CEP128: variants seen among roughly 807,000 people sequenced by gnomAD.
The protein encoded by CEP128 is centrosomal protein 128kDa.
A neutral mutation model predicts 156.7 loss-of-function variants in CEP128; 132 were observed. The observed-to-expected ratio is 0.84, with a 90% CI of 0.73 to 0.97. The LOEUF is 0.97. CEP128 is among the 50% of genes least tolerant of loss of function. The pLI, the probability that CEP128 is intolerant of heterozygous loss-of-function variation, is 0.00. For synonymous variants in CEP128, 469 were observed against 448.9 expected, an observed-to-expected ratio of 1.04 and a Z score of -0.57; for missense variants, 1,252 against 1,281.9, an observed-to-expected ratio of 0.98 and a Z score of 0.36.
At chr14:80,673,470 C>T (rs950446768) in intron 19 of CEP128, among the ~76,000 whole-genome samples, 1 of 113,272 alleles carries the variant, frequency 8.8e-6, no homozygotes, top group East Asian at 2.7e-4. Flanking sequence ...GGTGAAACCC[C>T]GTCTCTACTA....
Position 80,526,973 on chromosome 14 carries a change from T to G in CEP128, c.2968A>C (p.Ser990Arg). ...EDFKDFRDSCSSSERTDGRYS... is the reference protein window; with the variant it reads ...EDFKDFRDSCRSSERTDGRYS... ...CTTCCATCAGTTCTCTCAGATGAACTGCAGGAATCCTGGAAAAAAAAAAAA... is the reference window on the plus strand; with the variant it reads ...CTTCCATCAGTTCTCTCAGATGAACGGCAGGAATCCTGGAAAAAAAAAAAA... Residue 990 changes from serine to arginine, a missense_variant, in exon 23 of 25, where the codon AGT becomes CGT. Coordinates refer to ENST00000555265, the MANE Select transcript of CEP128 (RefSeq NM_152446.5). 2.0e-6 allele frequency: 3 copies of G among 1,523,166 alleles called. No homozygotes were observed. The South Asian group carries it at 3.5e-5, about 18-fold the overall frequency. 94.4% of individuals were successfully genotyped at this position (1,523,166 alleles called of 1,614,324 possible). A position where few individuals can be genotyped will look rare whatever the true frequency, so the allele number is the denominator to read the frequency against.
intron 19 of CEP128, among the ~76,000 whole-genome samples, chr14:80,582,152 C>G (rs1211359532): frequency 6.6e-6 from 1 of 152,162 alleles, no homozygotes; most frequent in Non-Finnish European, 1.5e-5. Flanking sequence ...TGCCCAGAAG[C>G]AGAGTTGCCC....
At chr14:80,880,241 C>A (rs946022144) in intron 8 of CEP128, among the ~76,000 whole-genome samples, 4 of 151,626 alleles carry the variant, frequency 2.6e-5, no homozygotes, top group African/African-American at 9.7e-5. Context: ...ATAATCTCAA[C>A]TGATAAGAAA....
chr14:80,511,581 T>C (rs1209546966), intron 23 of CEP128, among the ~76,000 whole-genome samples: 5 of 152,002 alleles, frequency 3.3e-5, no homozygotes, highest in Admixed American at 2.6e-4. Flanking sequence ...ATTTTTTTCA[T>C]TTCACTTTCA....
chr14:80,931,230 G>T (rs8017038), intron 2 of CEP128, among the ~76,000 whole-genome samples: 57,024 of 152,038 alleles, frequency 0.38, 10,931 homozygotes, highest in South Asian at 0.51. Context: ...GTCATTTTGT[G>T]TTGGTATGTG....
chr14:80,840,847 T>G, intron 9 of CEP128, 79 bp from the exon 10 acceptor site: 1 of 863,788 alleles, frequency 1.2e-6, no homozygotes, highest in Non-Finnish European at 1.9e-6. Context: ...TATTATGTAT[T>G]AGGGCTGAAG....
intron 2 of CEP128, among the ~76,000 whole-genome samples, chr14:80,948,585 A>G (rs2056355619): frequency 6.6e-6 from 1 of 152,222 alleles, no homozygotes; most frequent in Admixed American, 6.5e-5. Flanking sequence ...AAAAGATAAA[A>G]CACACAGAGG....
intron 12 of CEP128, among the ~76,000 whole-genome samples, chr14:80,831,722 A>T (rs1276885836): frequency 6.6e-6 from 1 of 152,144 alleles, no homozygotes; most frequent in Non-Finnish European, 1.5e-5. Flanking sequence ...ATTGTGTATG[A>T]CCAACCAATT....
intron 2 of CEP128, among the ~76,000 whole-genome samples, chr14:80,949,205 A>G (rs1248965577): frequency 2.0e-5 from 3 of 152,200 alleles, no homozygotes; most frequent in Non-Finnish European, 4.4e-5. Context: ...AGCAAGCCTT[A>G]TGATTGCCAC....
intron 18 of CEP128, among the ~76,000 whole-genome samples, chr14:80,745,844 T>C (rs1457943487): frequency 1.3e-5 from 2 of 152,020 alleles, no homozygotes; most frequent in Admixed American, 6.5e-5. Flanking sequence ...CAGGCTTATG[T>C]GCAGGAAAAT....
intron 19 of CEP128, among the ~76,000 whole-genome samples, chr14:80,642,629 G>A (rs1311459532): frequency 6.6e-6 from 1 of 152,162 alleles, no homozygotes; most frequent in Non-Finnish European, 1.5e-5. Flanking sequence ...GTTGCAGTAA[G>A]CCTGGGCAAC....
At chr14:80,940,573 G>A (rs1168753589) in intron 1 of CEP128, among the ~76,000 whole-genome samples, 3 of 151,342 alleles carry the variant, frequency 2.0e-5, no homozygotes, top group African/African-American at 4.9e-5. Context: ...CAGCTACTCC[G>A]GAGGCTGAGA....
chr14:80,900,851 G>A (rs1883511256), intron 6 of CEP128, among the ~76,000 whole-genome samples: 1 of 152,214 alleles, frequency 6.6e-6, no homozygotes, highest in African/African-American at 2.4e-5. Context: ...AGCAGAAACA[G>A]TGTCAGGATA....
At chr14:80,828,883 AAAG>A (rs2140033538) in intron 13 of CEP128, among the ~76,000 whole-genome samples, 1 of 152,284 alleles carries the variant, frequency 6.6e-6, no homozygotes, top group East Asian at 1.9e-4. Context: ...AAAAGCAACT[AAAG>A]AAGATTAATC....
At chr14:80,846,831 G>T (rs1018719134) in intron 9 of CEP128, among the ~76,000 whole-genome samples, 1 of 152,066 alleles carries the variant, frequency 6.6e-6, no homozygotes, top group Non-Finnish European at 1.5e-5. Context: ...GAATCCAAAA[G>T]CTAACAGCTG....
intron 15 of CEP128, among the ~76,000 whole-genome samples, chr14:80,784,260 TATATC>T (rs144300710): frequency 0.023 from 3,384 of 147,696 alleles, 64 homozygotes; most frequent in Middle Eastern, 0.073. Context: ...ATATGGAATC[TATATC>T]ATATGACACG....
chr14:80,751,101 T>G (rs1228972716), intron 18 of CEP128, among the ~76,000 whole-genome samples: 1 of 152,182 alleles, frequency 6.6e-6, no homozygotes, highest in African/African-American at 2.4e-5. Flanking sequence ...ACCTTGATCT[T>G]GAACTTACAG....
At chr14:80,742,390 G>A (rs1042571596) in intron 19 of CEP128, among the ~76,000 whole-genome samples, 20 of 151,892 alleles carry the variant, frequency 1.3e-4, no homozygotes, top group African/African-American at 3.9e-4. Context: ...CCTCCACAAC[G>A]TCTTTTGCAT....
chr14:80,810,960 C>T (rs906229404), intron 13 of CEP128, among the ~76,000 whole-genome samples: 5 of 152,046 alleles, frequency 3.3e-5, no homozygotes, highest in African/African-American at 9.7e-5. Flanking sequence ...CCCCACAGAC[C>T]CCAGTGTGTG....
Sources: gnomAD v4.1 joint callset for allele counts (sites outside exome capture counted in the v4.1 genomes callset) on GRCh38, gnomAD v4.1.1 for gene constraint, MANE v1.5 for transcripts, NCBI Gene and HGNC (gene_info 2026-07-23, HGNC 2026-07-21) for gene names.